CRYBG3: variants seen among roughly 807,000 people sequenced by gnomAD.
The protein encoded by CRYBG3 is very large A-kinase anchor protein.
A neutral mutation model predicts 244.2 loss-of-function variants in CRYBG3; 127 were observed. That is an observed-to-expected ratio of 0.52 (90% CI 0.45 to 0.60). The LOEUF is 0.60. Ranked by LOEUF, CRYBG3 falls within the 20% of genes least tolerant of loss-of-function variation. CRYBG3 has a pLI of 0.00. For missense variants in CRYBG3, 3,325 were observed against 3,442.5 expected, an observed-to-expected ratio of 0.97 and a Z score of 0.85; for synonymous variants, 1,132 against 1,195.8, an observed-to-expected ratio of 0.95 and a Z score of 1.10.
chr3:97,877,676 G>C lies in CRYBG3; in HGVS notation c.6482G>C (p.Gly2161Ala). 1 of 1,614,078 alleles carries C rather than the reference G, an allele frequency of 6.2e-7. No homozygotes were observed. The highest frequency in any genetic ancestry group is 8.5e-7 in the Non-Finnish European group (1 of 1,179,994). ...EEEEAAVLHK[G>A]DLRAGSGERV... ...GAGGAGGCAGCAGTATTGCATAAAG[G>C]AGATCTGAGAGCTGGAAGTGGGGAG... The change falls in exon 4 of 22, where the codon GGA (glycine) becomes GCA (alanine). Residue 2161 changes from glycine (G) to alanine (A), a missense_variant. Gly to Ala is a moderately conservative substitution (Grantham distance 60, BLOSUM62 0). Transcript: ENST00000389622.
chr3:97,853,406 TACACACACACACAC>T (rs57065921), intron 2 of CRYBG3, among the ~76,000 whole-genome samples: 4 of 147,680 alleles, frequency 2.7e-5, no homozygotes, highest in African/African-American at 7.5e-5. Context: ...ACACATACAA[TACACACACACACAC>T]ACACACACAC....
At chr3:97,899,467 A>C (rs565348075) in intron 14 of CRYBG3, among the ~76,000 whole-genome samples, 15 of 152,104 alleles carry the variant, frequency 9.9e-5, no homozygotes, top group Non-Finnish European at 1.5e-4. Context: ...TAATTTGATC[A>C]GTTCATTCAC....
intron 1 of CRYBG3, 28 bp downstream of exon 1, chr3:97,822,383 G>T (rs1386385031): frequency 1.3e-6 from 2 of 1,484,910 alleles, no homozygotes; most frequent in Admixed American, 4.3e-5. Flanking sequence ...GGTCGCGGGG[G>T]GGCCCTGCAC....
rs2039313827 is a variant in CRYBG3 at position 97,872,241 on chromosome 3, T to C, written c.1047T>C (p.Ser349=). The change falls in exon 4 of 22, where the codon TCT becomes TCC. Residue 349 remains serine (S), a synonymous_variant. Coordinates refer to ENST00000389622, the MANE Select transcript of CRYBG3 (RefSeq NM_153605.4). Reference sequence around the variant, plus strand: ...TTGAGAGAAATAGGTCATCCCCTTCTTCTGTGACTAACTCCAGCTACGATG... The same window carrying C: ...TTGAGAGAAATAGGTCATCCCCTTCCTCTGTGACTAACTCCAGCTACGATG... ...GSIERNRSSP[S]SVTNSSYDGE... The C allele has an allele frequency of 6.5e-7, 1 of 1,535,818 alleles. No homozygotes were observed. Among genetic ancestry groups the C allele is most frequent in the African/African-American group, 1.4e-5 (1 of 73,036 alleles).
At position 97,896,075 on chromosome 3, in the gene CRYBG3, A is replaced by G. The variant is rs753085556; in HGVS notation, c.7691A>G (p.Tyr2564Cys). 1.2e-6 allele frequency: 2 copies of G among 1,609,070 alleles called. No individual in the cohort carries two copies. Among genetic ancestry groups the G allele is most frequent in the Non-Finnish European group, 1.7e-6 (2 of 1,178,130 alleles). ...ALSSPILSFRYLQANFIESSV... is the reference protein window; with the variant it reads ...ALSSPILSFRCLQANFIESSV... The stretch of plus-strand genomic sequence containing the variant: ...AGTAGCCCTATCTTGTCTTTCCGGT[A>G]CTTACAAGCTGTGAGTTAGCTTCCT... The change falls in exon 12 of 22, where the codon TAC becomes TGC. Residue 2564 changes from tyrosine (Y) to cysteine (C), a missense_variant. By Grantham distance (194) the Tyr-to-Cys change is radical. Around this residue, in one of 4 missense-constraint regions of CRYBG3, gnomAD observed 714 missense variants for 803.6 expected, o/e 0.89. Coordinates refer to ENST00000389622, the MANE Select transcript of CRYBG3 (RefSeq NM_153605.4).
Position 97,942,359 on chromosome 3 carries a change from G to T in CRYBG3, c.8740G>T (p.Gly2914Trp), listed in dbSNP as rs752169434. ...GAKVALWTEH[G>W]QFRQKWRLNK... ...TAAAGTAGCTCTATGGACTGAACAT[G>T]GGCAATTCAGGCAGAAGTGGAGACT... The change falls in exon 21 of 22, where the codon GGG (glycine) becomes TGG (tryptophan). Residue 2914 changes from glycine (G) to tryptophan (W), a missense_variant. By Grantham distance (184) the Gly-to-Trp change is radical (BLOSUM62 -2). This residue lies in a region of CRYBG3 where 714 missense variants were observed against 803.6 expected (regional missense o/e 0.89). Coordinates refer to ENST00000389622, the MANE Select transcript of CRYBG3 (RefSeq NM_153605.4). 5.0e-6 allele frequency: 8 copies of T among 1,611,738 alleles called. No homozygotes were observed. The highest frequency in any genetic ancestry group is 5.9e-6 in the Non-Finnish European group (7 of 1,178,582).
chr3:97,924,068 A>G, intron 17 of CRYBG3: 1 of 168,494 alleles, frequency 5.9e-6, no homozygotes, highest in Non-Finnish European at 1.3e-5. Flanking sequence ...CAGCAGTAAT[A>G]ATTAGTGGGA....
intron 15 of CRYBG3, among the ~76,000 whole-genome samples, chr3:97,901,140 G>C (rs2039702670): frequency 6.6e-6 from 1 of 152,150 alleles, no homozygotes; most frequent in Non-Finnish European, 1.5e-5. Context: ...TAGCAAAAGA[G>C]ACATTTCTAG....
At position 97,822,312 on chromosome 3, in the gene CRYBG3, C is replaced by T. The variant is rs867360067; in HGVS notation, c.106C>T (p.Pro36Ser). ...CAAGGAAGAGGAAGAGGAGGAGAGGCCGGGGACGAGCCCGCCTCCAGCTCC... is the reference window on the plus strand; with the variant it reads ...CAAGGAAGAGGAAGAGGAGGAGAGGTCGGGGACGAGCCCGCCTCCAGCTCC... ...RDKEEEEEERPGTSPPPAPGR... is the reference protein window; with the variant it reads ...RDKEEEEEERSGTSPPPAPGR... The change falls in exon 1 of 22, where the codon CCG becomes TCG. Residue 36 changes from proline (P) to serine (S), a missense_variant. Physicochemically the swap from Pro to Ser is moderately conservative, Grantham distance 74. Around this residue, in one of 4 missense-constraint regions of CRYBG3, gnomAD observed 1,526 missense variants for 1,443.2 expected, o/e 1.06. Transcript: ENST00000389622. The T allele has an allele frequency of 2.8e-5, 43 of 1,519,300 alleles. 1 individual carries two copies. The Middle Eastern group carries it at 3.9e-3, about 137-fold the overall frequency. The allele number at this position is 1,519,300 out of a possible 1,614,324, so 94.1% of individuals were successfully genotyped here.
chr3:97,829,817 A>G (rs574850773), intron 1 of CRYBG3, among the ~76,000 whole-genome samples: 73 of 152,312 alleles, frequency 4.8e-4, no homozygotes, highest in African/African-American at 1.7e-3. Context: ...CATTGCCCAA[A>G]TCTTTCTTCT....
At chr3:97,929,796 A>G (rs904602761) in intron 17 of CRYBG3, among the ~76,000 whole-genome samples, 1 of 151,932 alleles carries the variant, frequency 6.6e-6, no homozygotes, top group African/African-American at 2.4e-5. Context: ...AAATGTTTCA[A>G]ATATTTTCTG....
chr3:97,936,168 C>T (rs1283190714), intron 18 of CRYBG3, among the ~76,000 whole-genome samples: 4 of 152,116 alleles, frequency 2.6e-5, no homozygotes, highest in Non-Finnish European at 5.9e-5. Context: ...AAGCAATGGG[C>T]ATGACTGTGT....
intron 17 of CRYBG3, among the ~76,000 whole-genome samples, chr3:97,918,184 T>C (rs1273136508): frequency 6.6e-6 from 1 of 152,222 alleles, no homozygotes; most frequent in African/African-American, 2.4e-5. Flanking sequence ...TTCCCAGACA[T>C]GCTATGGCTT....
Position 97,874,412 on chromosome 3 carries a change from T to C in CRYBG3, c.3218T>C (p.Ile1073Thr), listed in dbSNP as rs891713728. The C allele has an allele frequency of 3.3e-6, 5 of 1,534,808 alleles. No individual in the cohort carries two copies. Among genetic ancestry groups the C allele is most frequent in the Non-Finnish European group, 4.4e-6 (5 of 1,146,540 alleles). The change falls in exon 4 of 22, where the codon ATA becomes ACA. Residue 1073 changes from isoleucine to threonine, a missense_variant. Coordinates refer to ENST00000389622, the MANE Select transcript of CRYBG3 (RefSeq NM_153605.4). Reference sequence around the variant, plus strand: ...AGTTACCCTGAAGAAGTTAGCATGATAGTAAATTCACATAAGCCCCAAAAT... The same window carrying C: ...AGTTACCCTGAAGAAGTTAGCATGACAGTAAATTCACATAAGCCCCAAAAT... ...SSSYPEEVSMIVNSHKPQNNL... is the reference protein window; with the variant it reads ...SSSYPEEVSMTVNSHKPQNNL...
At position 97,944,584 on chromosome 3, in the gene CRYBG3, A is replaced by G. The variant is rs1040663706; in HGVS notation, c.*1270A>G. The G allele has an allele frequency of 2.0e-5, 3 of 152,368 alleles. No individual in the cohort carries two copies. Among genetic ancestry groups the G allele is most frequent in the African/African-American group, 7.2e-5 (3 of 41,422 alleles). The allele number at this position is 152,368 out of a possible 1,614,324, so 9.4% of individuals were successfully genotyped here. ...TTTGAGTATTTTTTATAGACTTTAA[A>G]TACTGGGTTTTTTTCCTCCTTCAAT... On this transcript the variant is annotated 3_prime_UTR_variant, in exon 22 of 22. Transcript: ENST00000389622.
At chr3:97,857,533 C>T (rs1052426996) in intron 2 of CRYBG3, among the ~76,000 whole-genome samples, 3 of 151,610 alleles carry the variant, frequency 2.0e-5, no homozygotes, top group Non-Finnish European at 4.4e-5. Context: ...TGAGTGTTCC[C>T]GTCTTGAGTG....
intron 11 of CRYBG3, among the ~76,000 whole-genome samples, chr3:97,894,453 T>C (rs1051686173): frequency 2.0e-5 from 3 of 152,168 alleles, no homozygotes; most frequent in Non-Finnish European, 2.9e-5. Flanking sequence ...TTTTGTTATT[T>C]AATTGTATCT....
At chr3:97,884,351 A>C (rs1304767617) in intron 7 of CRYBG3, among the ~76,000 whole-genome samples, 1 of 152,118 alleles carries the variant, frequency 6.6e-6, no homozygotes, top group African/African-American at 2.4e-5. Flanking sequence ...CTGTGTATTT[A>C]AGGTTTTTTT....
chr3:97,822,687 TC>T (rs1375369759), intron 1 of CRYBG3, among the ~76,000 whole-genome samples: 2 of 152,140 alleles, frequency 1.3e-5, no homozygotes, highest in Non-Finnish European at 2.9e-5. Context: ...CGCTCTACTC[TC>T]CAAGTTCTGT....
Sources: allele counts gnomAD v4.1 joint callset (sites outside exome capture counted in the v4.1 genomes callset), GRCh38; gene constraint gnomAD v4.1.1; regional missense constraint gnomAD v4.1.1; transcripts MANE v1.5; gene names NCBI Gene and HGNC (gene_info 2026-07-23, HGNC 2026-07-21).